Variants in NEK6 observed in about 807,000 individuals in gnomAD.
NEK6 encodes the protein serine/threonine-protein kinase Nek6.
NEK6 carries 27 observed loss-of-function variants against 43.5 expected under a neutral mutation model. The observed-to-expected ratio is 0.62, with a 90% confidence interval of 0.46 to 0.86. NEK6 has a LOEUF of 0.86. Ranked by LOEUF, NEK6 falls within the 40% of genes least tolerant of loss-of-function variation. The pLI, the probability that NEK6 is intolerant of heterozygous loss-of-function variation, is 0.00. For synonymous variants in NEK6, 167 were observed against 164.1 expected, an observed-to-expected ratio of 1.02 and a Z score of -0.14; for missense variants, 318 against 414.4, an observed-to-expected ratio of 0.77 and a Z score of 2.02.
chr9:124,301,959 T>A lies in NEK6; in HGVS notation c.-6T>A. 1 of 1,595,340 alleles carries A rather than the reference T, an allele frequency of 6.3e-7. No homozygotes were observed. The highest frequency in any genetic ancestry group is 1.1e-5 in the South Asian group (1 of 87,938). On this transcript the variant is annotated 5_prime_UTR_variant, in exon 2 of 10. It removes an upstream start codon present in the reference 5' UTR. Transcript: ENST00000320246. ...AGTTCGTGCCCTCGTGAGGCTGGCA[T>A]GCAGGATGGCAGGACAGCCCGGCCA...
chr9:124,287,967 G>A (rs912469149), intron 1 of NEK6, among the ~76,000 whole-genome samples: 2 of 152,232 alleles, frequency 1.3e-5, no homozygotes, highest in South Asian at 2.1e-4. Context: ...TGGAGACAGT[G>A]GGGGAGGGGG....
Position 124,326,451 on chromosome 9 carries a change from C to T in NEK6, c.514+13C>T, listed in dbSNP as rs772022866. 62 of 1,313,518 alleles carry T rather than the reference C, an allele frequency of 4.7e-5. No homozygotes were observed. In the Admixed American group the frequency reaches 6.1e-4, roughly 13 times the overall value. 81.4% of individuals were successfully genotyped at this position (1,313,518 alleles called of 1,614,324 possible). On this transcript the variant is annotated intron_variant, in intron 6 of 9. Transcript: ENST00000320246. This position sits in a 1 kb window ranked among gnomAD's most constrained non-coding sequence, Gnocchi z 4.5. Reference sequence around the variant, plus strand: ...GTGATGCACCGAGGTACGTGCCACCCGCCAGGAGCCGCCCGGAGCCACCTG... The same window carrying T: ...GTGATGCACCGAGGTACGTGCCACCTGCCAGGAGCCGCCCGGAGCCACCTG...
intron 5 of NEK6, among the ~76,000 whole-genome samples, chr9:124,325,082 G>A (rs925556610): frequency 6.6e-6 from 1 of 152,186 alleles, no homozygotes; most frequent in African/African-American, 2.4e-5. Flanking sequence ...GACTGAGGCA[G>A]GAGAATTGCT....
intron 5 of NEK6, 70 bp downstream of exon 5, chr9:124,321,639 T>C (rs1834071393): frequency 9.6e-6 from 10 of 1,043,036 alleles, no homozygotes; most frequent in Non-Finnish European, 1.5e-5. Flanking sequence ...AGTCTTCCTT[T>C]AGCCCAGTCC....
At chr9:124,325,828 A>C (rs1834305074) in intron 5 of NEK6, among the ~76,000 whole-genome samples, 1 of 152,202 alleles carries the variant, frequency 6.6e-6, no homozygotes, top group African/African-American at 2.4e-5. Context: ...TAAGAATTCC[A>C]GTGCACTGAG....
intron 1 of NEK6, among the ~76,000 whole-genome samples, chr9:124,298,609 G>A (rs547918089): frequency 4.5e-4 from 68 of 152,252 alleles, no homozygotes; most frequent in African/African-American, 1.5e-3. Context: ...GGGCCCATTC[G>A]GGGTGGAGCC....
At position 124,324,122 on chromosome 9, in the gene NEK6, A is replaced by C. The variant is rs1316138116; in HGVS notation, c.406-2208A>C. Among the ~76,000 whole-genome samples the C allele has an allele frequency of 6.6e-6, 1 of 152,184 alleles. No homozygotes were observed. The highest frequency in any genetic ancestry group is 1.5e-5 in the Non-Finnish European group (1 of 68,028). ...GAGCTGGCTCGGTGCAGCCGCCAGC[A>C]GGGGAGGCCTGGCAGTGCAGAGACC... On this transcript the variant is annotated intron_variant, in intron 5 of 9. Transcript: ENST00000320246. The surrounding 1 kb of genome is among the most constrained non-coding windows in gnomAD (Gnocchi z 5.3).
intron 8 of NEK6, among the ~76,000 whole-genome samples, chr9:124,346,445 T>C (rs1008054629): frequency 3.3e-5 from 5 of 152,154 alleles, no homozygotes; most frequent in Non-Finnish European, 7.4e-5. Flanking sequence ...TCCCCAGGTA[T>C]CCCAGGGCCC....
At chr9:124,265,868 T>C (rs1164654418) in intron 1 of NEK6, 1 of 152,288 alleles carries the variant, frequency 6.6e-6, no homozygotes, top group Non-Finnish European at 1.5e-5. Flanking sequence ...AAGTCCTGGG[T>C]CAGGCATTGT....
At chr9:124,291,217 G>A (rs1420627480) in intron 1 of NEK6, among the ~76,000 whole-genome samples, 9 of 152,344 alleles carry the variant, frequency 5.9e-5, no homozygotes, top group East Asian at 5.8e-4. Flanking sequence ...CAACTGGGAC[G>A]TGGCTAAGCC....
intron 1 of NEK6, among the ~76,000 whole-genome samples, chr9:124,299,029 G>T (rs1832832131): frequency 6.6e-6 from 1 of 152,244 alleles, no homozygotes; most frequent in South Asian, 2.1e-4. Context: ...AGCGCCACGT[G>T]GGGAGGGCAG....
rs143072532 is a variant in NEK6, at chr9:124,339,536, G to C, written c.623-35G>C. 1.1e-5 allele frequency: 17 copies of C among 1,501,968 alleles called. No homozygotes were observed. The African/African-American group carries it at 2.3e-4, about 21-fold the overall frequency. The allele number at this position is 1,501,968 out of a possible 1,614,324, so 93.0% of individuals were successfully genotyped here. On this transcript the variant is annotated intron_variant, in intron 7 of 9. Coordinates refer to ENST00000320246, the MANE Select transcript of NEK6 (RefSeq NM_014397.6). The stretch of plus-strand genomic sequence containing the variant: ...CTGTGCCCTGCCCCTGCCCTACATG[G>C]AGCATAAGCAGCCCCGCCCCTTGCT...
chr9:124,261,624 C>CT, intron 1 of NEK6: 1 of 972,112 alleles, frequency 1.0e-6, no homozygotes, highest in Non-Finnish European at 1.2e-6. Context: ...CCCTGCCTGC[C>CT]TTTTTTCCCT....
rs761945900 is a variant in NEK6 at position 124,321,576 on chromosome 9, G to C, written c.405+7G>C. ...CCTCTCGCAGATGATCAAGGTGAGC[G>C]CCTGGCGGGGTGGGGGTGCTGGGGG... On this transcript the variant is annotated splice_region_variant and intron_variant, in intron 5 of 9. Transcript: ENST00000320246. The C allele has an allele frequency of 6.3e-7, 1 of 1,577,398 alleles. No homozygotes were observed. The highest frequency in any genetic ancestry group is 8.7e-7 in the Non-Finnish European group (1 of 1,146,724).
intron 8 of NEK6, among the ~76,000 whole-genome samples, chr9:124,344,270 A>G (rs1829802452): frequency 6.6e-6 from 1 of 152,170 alleles, no homozygotes; most frequent in Non-Finnish European, 1.5e-5. Flanking sequence ...CATTTGCCCT[A>G]TAAAGTGTCA....
rs796690902 is a variant in NEK6, at chr9:124,274,089, G to A, written c.-30+16004G>A. Among the ~76,000 whole-genome samples the A allele has an allele frequency of 1.7e-4, 26 of 152,316 alleles. No individual in the cohort carries two copies. In the East Asian group the frequency reaches 2.5e-3, roughly 15 times the overall value. ...CTTGGGGACAGAGGCAGGATTGGCC[G>A]CCAGGCAGTTTTGCTTAGAGGGGAA... On this transcript the variant is annotated intron_variant, in intron 1 of 9. Transcript: ENST00000320246.
At chr9:124,288,674 T>C (rs561744551) in intron 1 of NEK6, among the ~76,000 whole-genome samples, 1 of 152,236 alleles carries the variant, frequency 6.6e-6, no homozygotes, top group South Asian at 2.1e-4. Flanking sequence ...CCTCACTTGG[T>C]CCTCACGGCA....
intron 7 of NEK6, among the ~76,000 whole-genome samples, chr9:124,333,818 C>T (rs532778464): frequency 7.1e-6 from 1 of 141,476 alleles, no homozygotes; most frequent in African/African-American, 2.6e-5. Context: ...CGCTCTGTTG[C>T]CCAAGCTGGA....
At position 124,327,438 on chromosome 9, in the gene NEK6, C is replaced by G. The variant is rs1834401956; in HGVS notation, c.615C>G (p.His205Gln). The change falls in exon 7 of 10, where the codon CAC (histidine) becomes CAG (glutamine). Residue 205 changes from histidine (H) to glutamine (Q), a missense_variant. Transcript: ENST00000320246. ...RFFSSETTAAHSLVGTPYYMS... is the reference protein window; with the variant it reads ...RFFSSETTAAQSLVGTPYYMS... ...TCAGCTCTGAGACCACCGCAGCCCA[C>G]TCCCTAGGTAAGGGGGACCTGTCTG... 2 of 1,612,290 alleles carry G rather than the reference C, an allele frequency of 1.2e-6. No individual in the cohort carries two copies. The highest frequency in any genetic ancestry group is 1.7e-6 in the Non-Finnish European group (2 of 1,179,664).
Sources: allele counts gnomAD v4.1 joint callset (sites outside exome capture counted in the v4.1 genomes callset), GRCh38; gene constraint gnomAD v4.1.1; non-coding constraint Gnocchi (gnomAD v3.1); transcripts MANE v1.5; gene names NCBI Gene and HGNC (gene_info 2026-07-23, HGNC 2026-07-21).